The following USP53 variants were observed in gnomAD, a reference collection of about 807,000 sequenced individuals.
USP53 encodes the protein ubiquitin specific peptidase 53, also known as ubiquitin carboxyl-terminal hydrolase 53.
Under a neutral mutation model 94.9 loss-of-function variants are expected in USP53, and 71 were observed. That is an observed-to-expected ratio of 0.75 (90% CI 0.62 to 0.91). The LOEUF is 0.91. Ranked by LOEUF, USP53 falls within the 40% of genes least tolerant of loss-of-function variation. The probability of loss-of-function intolerance (pLI) is 0.00; values close to 1 mark genes in which losing one functional copy is unlikely to be tolerated. For synonymous variants in USP53, 375 were observed against 422.7 expected, an observed-to-expected ratio of 0.89 and a Z score of 1.39; for missense variants, 1,173 against 1,281.0, an observed-to-expected ratio of 0.92 and a Z score of 1.29.
chr4:119,267,366 A>C lies in USP53; in HGVS notation c.1019A>C (p.His340Pro). The C allele has an allele frequency of 6.2e-7, 1 of 1,614,106 alleles. No individual in the cohort carries two copies. The highest frequency in any genetic ancestry group is 8.5e-7 in the Non-Finnish European group (1 of 1,180,006). ...GTTGTCTCCAAATGCATTCGATGCC[A>C]CTTTCAGCCACTACTTTTGTTTTAT... ...KDVVSKCIRC[H>P]FQPLLLFYAN... The change falls in exon 13 of 19, where the codon CAC (histidine) becomes CCC (proline). Residue 340 changes from histidine (H) to proline (P), a missense_variant. Transcript: ENST00000692078.
intron 15 of USP53, 68 bp from the exon 16 acceptor site, chr4:119,271,228 A>T: frequency 6.7e-7 from 1 of 1,499,860 alleles, no homozygotes; most frequent in East Asian, 2.3e-5. Flanking sequence ...TCTAACAGGT[A>T]TTTGCCTTGT....
intron 15 of USP53, among the ~76,000 whole-genome samples, chr4:119,270,129 C>G (rs946165686): frequency 2.7e-5 from 4 of 150,658 alleles, no homozygotes; most frequent in Non-Finnish European, 5.9e-5. Flanking sequence ...TGAGAGTTCA[C>G]TCTTGTCCAG....
rs1416835500 is a variant in USP53, at chr4:119,217,637, A to C, written c.-701A>C. ...TCAATTCTATAATATATTTAGAAGG[A>C]GAAAAGTGCCAAGGAGGAATGAAAA... On this transcript the variant is annotated 5_prime_UTR_variant, in exon 3 of 19. Transcript: ENST00000692078. 6.6e-6 allele frequency: 1 copy of C among 152,226 alleles called. No individual in the cohort carries two copies. The highest frequency in any genetic ancestry group is 6.5e-5 in the Admixed American group (1 of 15,280). 9.4% of individuals were successfully genotyped at this position (152,226 alleles called of 1,614,324 possible).
intron 12 of USP53, among the ~76,000 whole-genome samples, chr4:119,264,504 C>T (rs1378656875): frequency 6.6e-6 from 1 of 152,142 alleles, no homozygotes; most frequent in African/African-American, 2.4e-5. Context: ...TGAAAGAACT[C>T]TTAAAATCCA....
In USP53 at chr4:119,292,961, G is replaced by A; in HGVS notation, c.2972G>A (p.Cys991Tyr). 1 of 1,614,092 alleles carries A rather than the reference G, an allele frequency of 6.2e-7. No individual in the cohort carries two copies. The highest frequency in any genetic ancestry group is 2.2e-5 in the East Asian group (1 of 44,884). Residue 991 changes from cysteine (C) to tyrosine (Y), a missense_variant, in exon 19 of 19, where the codon TGT becomes TAT. By Grantham distance (194) the Cys-to-Tyr change is radical. Transcript: ENST00000692078. ...AAAGAAACATTTCAAGTGAGAGAAT[G>A]TTTTGGCAACACACCAAACTGTCCA... The part of the protein sequence containing the change: ...RHKETFQVRE[C>Y]FGNTPNCPSS...
chr4:119,215,919 T>A (rs1412246663), intron 2 of USP53, among the ~76,000 whole-genome samples: 1 of 152,240 alleles, frequency 6.6e-6, no homozygotes, highest in African/African-American at 2.4e-5. Flanking sequence ...GAAGATAACA[T>A]TAGTTTTCAA....
intron 7 of USP53, among the ~76,000 whole-genome samples, chr4:119,251,520 G>C (rs558977778): frequency 6.6e-6 from 1 of 152,078 alleles, no homozygotes; most frequent in Non-Finnish European, 1.5e-5. Context: ...CACTCCCATC[G>C]ACAGTGTAAA....
At chr4:119,279,799 C>T (rs76939670) in intron 17 of USP53, among the ~76,000 whole-genome samples, 70 of 152,188 alleles carry the variant, frequency 4.6e-4, no homozygotes, top group Non-Finnish European at 9.3e-4. Context: ...GATATAATCT[C>T]GTGGTTCGCC....
intron 17 of USP53, among the ~76,000 whole-genome samples, chr4:119,280,634 G>A (rs1010769561): frequency 2.0e-5 from 3 of 152,152 alleles, no homozygotes; most frequent in African/African-American, 7.2e-5. Flanking sequence ...TAAAAGATGG[G>A]AAAGCTATGA....
chr4:119,244,818 C>T (rs1748003172), intron 5 of USP53, among the ~76,000 whole-genome samples: 1 of 152,020 alleles, frequency 6.6e-6, no homozygotes, highest in Non-Finnish European at 1.5e-5. Flanking sequence ...TATGCTGTAC[C>T]CCCATTACCA....
At chr4:119,249,261 G>A (rs1365091904) in intron 7 of USP53, among the ~76,000 whole-genome samples, 2 of 152,044 alleles carry the variant, frequency 1.3e-5, no homozygotes, top group Admixed American at 1.3e-4. Context: ...ATTCTCACTG[G>A]GAGAGAAGGG....
chr4:119,220,148 A>G (rs1308461538), intron 3 of USP53: 1 of 152,176 alleles, frequency 6.6e-6, no homozygotes, highest in Admixed American at 6.5e-5. Flanking sequence ...AACTGCACAA[A>G]TGAATTCTGA....
At chr4:119,242,723 A>G (rs925559844) in intron 5 of USP53, among the ~76,000 whole-genome samples, 1 of 152,204 alleles carries the variant, frequency 6.6e-6, no homozygotes, top group Non-Finnish European at 1.5e-5. Context: ...TGACAAAACA[A>G]CTATTCAAAT....
chr4:119,222,854 A>G (rs1744733226), intron 3 of USP53, among the ~76,000 whole-genome samples: 1 of 149,968 alleles, frequency 6.7e-6, no homozygotes, highest in African/African-American at 2.5e-5. Context: ...TTTCTCCTGG[A>G]ACACATGTAA....
intron 7 of USP53, 150 bp downstream of exon 7, chr4:119,249,032 C>A: frequency 1.0e-6 from 1 of 980,160 alleles, no homozygotes; most frequent in Non-Finnish European, 1.5e-6. Context: ...ATCCTTCAAG[C>A]CTCAACTTCA....
chr4:119,239,940 CT>C (rs962519462), intron 5 of USP53, 37 bp downstream of exon 5: 1 of 1,371,740 alleles, frequency 7.3e-7, no homozygotes, highest in Non-Finnish European at 9.5e-7. Context: ...AAAAAAAATA[CT>C]TTTCAGAAAA....
chr4:119,233,439 A>G (rs1746330478), intron 3 of USP53, among the ~76,000 whole-genome samples: 1 of 152,088 alleles, frequency 6.6e-6, no homozygotes, highest in Non-Finnish European at 1.5e-5. Flanking sequence ...TTCTAGAGAT[A>G]TTTATTTATT....
At chr4:119,241,410 T>A (rs1218223572) in intron 5 of USP53, among the ~76,000 whole-genome samples, 1 of 152,160 alleles carries the variant, frequency 6.6e-6, no homozygotes, top group Admixed American at 6.6e-5. Flanking sequence ...ACAGGTTTAT[T>A]GGTGATGAAT....
chr4:119,283,969 C>T (rs1753801013), intron 17 of USP53, among the ~76,000 whole-genome samples: 2 of 151,902 alleles, frequency 1.3e-5, no homozygotes, highest in South Asian at 2.1e-4. Flanking sequence ...GGAACATTGG[C>T]TTTGCTGAGG....
Sources: gnomAD v4.1 joint callset for allele counts (sites outside exome capture counted in the v4.1 genomes callset) on GRCh38, gnomAD v4.1.1 for gene constraint, MANE v1.5 for transcripts, NCBI Gene and HGNC (gene_info 2026-07-23, HGNC 2026-07-21) for gene names.